The following SEMA3E variants were observed in gnomAD, a reference collection of about 807,000 sequenced individuals.
The protein encoded by SEMA3E is semaphorin 3E.
In SEMA3E, 49 loss-of-function variants were observed where a neutral mutation model predicts 93.6. The ratio of observed to expected loss-of-function variants is 0.52; its 90% CI spans 0.42 to 0.66. The LOEUF is 0.66. Among genes scored for constraint, SEMA3E ranks in the 30% least tolerant of loss-of-function variants. The probability of loss-of-function intolerance (pLI) is 0.00; values close to 1 mark genes in which losing one functional copy is unlikely to be tolerated. For synonymous variants in SEMA3E, 363 were observed against 330.7 expected, an observed-to-expected ratio of 1.10 and a Z score of -1.06; for missense variants, 906 against 964.8, an observed-to-expected ratio of 0.94 and a Z score of 0.81.
chr7:83,426,868 A>T (rs1427359227), intron 4 of SEMA3E, among the ~76,000 whole-genome samples: 1 of 152,098 alleles, frequency 6.6e-6, no homozygotes, highest in East Asian at 1.9e-4. Flanking sequence ...TAGAACAACT[A>T]ATCTAGTTGT....
At chr7:83,442,443 C>G (rs910161881) in intron 4 of SEMA3E, among the ~76,000 whole-genome samples, 3 of 152,156 alleles carry the variant, frequency 2.0e-5, no homozygotes, top group Non-Finnish European at 2.9e-5. Flanking sequence ...TCACTGTCCA[C>G]TTGGCTCCTT....
intron 1 of SEMA3E, among the ~76,000 whole-genome samples, chr7:83,587,571 G>T (rs567131818): frequency 2.6e-5 from 4 of 152,136 alleles, no homozygotes; most frequent in South Asian, 4.1e-4. Context: ...ATTAGACAAG[G>T]CATGGTGGCT....
chr7:83,422,234 CT>C (rs1788681234), intron 4 of SEMA3E, among the ~76,000 whole-genome samples: 1 of 151,996 alleles, frequency 6.6e-6, no homozygotes, highest in Admixed American at 6.6e-5. Flanking sequence ...CAAATGTGGC[CT>C]CCTGACCCAA....
chr7:83,599,626 C>A (rs1792942163), intron 1 of SEMA3E, among the ~76,000 whole-genome samples: 1 of 152,096 alleles, frequency 6.6e-6, no homozygotes, highest in Admixed American at 6.6e-5. Context: ...ATAACTATTA[C>A]CTAACACTTT....
chr7:83,554,516 G>A (rs1199853113), intron 1 of SEMA3E, among the ~76,000 whole-genome samples: 5 of 138,982 alleles, frequency 3.6e-5, no homozygotes, highest in Non-Finnish European at 7.6e-5. Context: ...CAAAATTGGA[G>A]AGGAAAAGAT....
At chr7:83,450,459 G>C (rs551098623) in intron 4 of SEMA3E, among the ~76,000 whole-genome samples, 14 of 152,220 alleles carry the variant, frequency 9.2e-5, no homozygotes, top group Middle Eastern at 3.4e-3. Context: ...ACACAACATA[G>C]ATCAATCTCA....
intron 4 of SEMA3E, among the ~76,000 whole-genome samples, chr7:83,454,979 G>T (rs1038507886): frequency 2.0e-5 from 3 of 152,008 alleles, no homozygotes; most frequent in African/African-American, 4.8e-5. Flanking sequence ...TTTTCAGAGA[G>T]ATTTGTACTC....
intron 2 of SEMA3E, among the ~76,000 whole-genome samples, chr7:83,486,376 C>T (rs746707383): frequency 6.6e-6 from 1 of 151,930 alleles, no homozygotes; most frequent in Admixed American, 6.6e-5. Flanking sequence ...TCAGCAGTAC[C>T]AAGTTTGAGA....
intron 1 of SEMA3E, among the ~76,000 whole-genome samples, chr7:83,543,751 G>A (rs140560532): frequency 1.4e-3 from 209 of 152,034 alleles, no homozygotes; most frequent in African/African-American, 4.1e-3. Flanking sequence ...TATATTGCTC[G>A]TTCTGCATGC....
intron 4 of SEMA3E, among the ~76,000 whole-genome samples, chr7:83,442,455 A>G (rs1220190649): frequency 6.6e-6 from 1 of 152,084 alleles, no homozygotes; most frequent in Non-Finnish European, 1.5e-5. Flanking sequence ...TGGCTCCTTT[A>G]CTTTTATACT....
chr7:83,405,187 A>G (rs899279700), intron 9 of SEMA3E, among the ~76,000 whole-genome samples: 1 of 152,094 alleles, frequency 6.6e-6, no homozygotes, highest in Non-Finnish European at 1.5e-5. Flanking sequence ...TCTAGATTAC[A>G]GAGTGAAGAT....
At chr7:83,423,827 G>A (rs1185831439) in intron 4 of SEMA3E, among the ~76,000 whole-genome samples, 3 of 151,910 alleles carry the variant, frequency 2.0e-5, no homozygotes, top group African/African-American at 4.8e-5. Context: ...TTAAAAATAG[G>A]GTACAGTGTA....
intron 16 of SEMA3E, among the ~76,000 whole-genome samples, chr7:83,377,931 G>T (rs1269087985): frequency 6.6e-6 from 1 of 151,828 alleles, no homozygotes; most frequent in African/African-American, 2.4e-5. Context: ...TCCACTTAGG[G>T]ATGTTACTCA....
chr7:83,628,192 TCTGATGGGCTTCC>T (rs1384805210), intron 1 of SEMA3E, among the ~76,000 whole-genome samples: 2 of 152,208 alleles, frequency 1.3e-5, no homozygotes, highest in African/African-American at 4.8e-5. Context: ...CTGCTGTTAG[TCTGATGGGCTTCC>T]CTTTGTGGGT....
At chr7:83,432,141 T>C (rs551898377) in intron 4 of SEMA3E, among the ~76,000 whole-genome samples, 2 of 152,216 alleles carry the variant, frequency 1.3e-5, no homozygotes, top group South Asian at 4.1e-4. Context: ...CTGCAGCCAT[T>C]TGAATATTCT....
intron 1 of SEMA3E, among the ~76,000 whole-genome samples, chr7:83,525,030 T>A (rs1007757244): frequency 3.3e-5 from 5 of 152,052 alleles, no homozygotes; most frequent in Admixed American, 6.6e-5. Context: ...AAGTACATCA[T>A]CTAAGAGTTT....
At chr7:83,526,916 G>A (rs1184480885) in intron 1 of SEMA3E, among the ~76,000 whole-genome samples, 3 of 152,122 alleles carry the variant, frequency 2.0e-5, no homozygotes, top group Non-Finnish European at 4.4e-5. Context: ...CCCTGTTGGA[G>A]GTTAATTGTG....
chr7:83,494,006 T>C (rs1250493392), intron 1 of SEMA3E, among the ~76,000 whole-genome samples: 1 of 151,914 alleles, frequency 6.6e-6, no homozygotes, highest in Non-Finnish European at 1.5e-5. Flanking sequence ...GTTTATTATA[T>C]ATTTACTCTT....
intron 4 of SEMA3E, among the ~76,000 whole-genome samples, chr7:83,444,456 G>C (rs1177623146): frequency 6.6e-6 from 1 of 152,064 alleles, no homozygotes; most frequent in African/African-American, 2.4e-5. Context: ...TTACTTTAGG[G>C]ATAAATGTCC....
Sources: allele counts gnomAD v4.1 joint callset (sites outside exome capture counted in the v4.1 genomes callset), GRCh38; gene constraint gnomAD v4.1.1; transcripts MANE v1.5; gene names NCBI Gene and HGNC (gene_info 2026-07-23, HGNC 2026-07-21).